The following OPCML variants were observed in gnomAD, a reference collection of about 807,000 sequenced individuals.
The protein encoded by OPCML is opioid-binding protein/cell adhesion molecule.
A neutral mutation model predicts 37.8 loss-of-function variants in OPCML; 13 were observed. The observed-to-expected ratio is 0.34, with a 90% CI of 0.22 to 0.55. OPCML has a LOEUF of 0.55. Ranked by LOEUF, OPCML falls within the 20% of genes least tolerant of loss-of-function variation. OPCML has a pLI of 0.91. For missense variants in OPCML, 341 were observed against 435.6 expected (o/e 0.78, Z 1.93); for synonymous variants, 176 against 168.8 (o/e 1.04, Z -0.33).
intron 1 of OPCML, chr11:133,064,756 G>T (rs1225502761): frequency 6.6e-6 from 1 of 152,176 alleles, no homozygotes; most frequent in African/African-American, 2.4e-5. Flanking sequence ...CACACGGCCC[G>T]GCGCGGGGCG....
intron 2 of OPCML, among the ~76,000 whole-genome samples, chr11:132,666,485 C>A (rs1216476698): frequency 6.6e-6 from 1 of 152,166 alleles, no homozygotes; most frequent in Non-Finnish European, 1.5e-5. Context: ...AATCTTGGGG[C>A]TCACATTTCT....
At chr11:133,210,731 T>C (rs951677783) in intron 1 of OPCML, among the ~76,000 whole-genome samples, 3 of 152,166 alleles carry the variant, frequency 2.0e-5, no homozygotes, top group South Asian at 4.1e-4. Context: ...AGCTCTTTTC[T>C]AGGGGAAATG....
chr11:132,635,602 T>C (rs1234184143), intron 3 of OPCML, among the ~76,000 whole-genome samples: 1 of 124,148 alleles, frequency 8.1e-6, no homozygotes, highest in African/African-American at 3.0e-5. Flanking sequence ...CAAAAAAAAA[T>C]TTGTTGACCA....
At chr11:132,895,804 C>T (rs952238521) in intron 2 of OPCML, among the ~76,000 whole-genome samples, 2 of 151,816 alleles carry the variant, frequency 1.3e-5, no homozygotes, top group Admixed American at 6.6e-5. Context: ...TCAGAATCCA[C>T]CCCCCCTGCC....
At chr11:132,702,552 T>G (rs1367978647) in intron 2 of OPCML, among the ~76,000 whole-genome samples, 1 of 152,160 alleles carries the variant, frequency 6.6e-6, no homozygotes, top group Non-Finnish European at 1.5e-5. Flanking sequence ...TCTTTTATGT[T>G]TAGTCTATTT....
chr11:133,213,688 A>G (rs1939467844), intron 1 of OPCML, among the ~76,000 whole-genome samples: 1 of 152,202 alleles, frequency 6.6e-6, no homozygotes, highest in African/African-American at 2.4e-5. Flanking sequence ...GCTGATACAA[A>G]TGGTGTTAAC....
chr11:132,657,403 T>G (rs1941762852), intron 2 of OPCML, 84 bp from the exon 3 acceptor site: 1 of 1,502,732 alleles, frequency 6.7e-7, no homozygotes, highest in Non-Finnish European at 8.9e-7. Context: ...AAATAAGACG[T>G]TGCATTTTGA....
intron 1 of OPCML, among the ~76,000 whole-genome samples, chr11:133,362,576 T>A (rs1042772640): frequency 6.6e-6 from 1 of 152,138 alleles, no homozygotes; most frequent in Admixed American, 6.5e-5. Context: ...GAAGATTCCA[T>A]CTCTCTCTGA....
intron 1 of OPCML, among the ~76,000 whole-genome samples, chr11:133,495,642 C>A (rs894104161): frequency 6.6e-6 from 1 of 152,164 alleles, no homozygotes; most frequent in Non-Finnish European, 1.5e-5. Context: ...ATTTGCATTT[C>A]TTTGACCATT....
At chr11:132,716,427 TATC>T in intron 2 of OPCML, among the ~76,000 whole-genome samples, 1 of 97,048 alleles carries the variant, frequency 1.0e-5, no homozygotes, top group African/African-American at 4.6e-5. Flanking sequence ...TCTATCTATC[TATC>T]TATCTATCTA....
At chr11:133,261,096 C>T (rs1041245581) in intron 1 of OPCML, among the ~76,000 whole-genome samples, 1 of 152,182 alleles carries the variant, frequency 6.6e-6, no homozygotes, top group Non-Finnish European at 1.5e-5. Flanking sequence ...TATCTTCTTA[C>T]TTGTTTTTGG....
chr11:132,657,781 C>T (rs531333953), intron 2 of OPCML, among the ~76,000 whole-genome samples: 123 of 152,264 alleles, frequency 8.1e-4, no homozygotes, highest in African/African-American at 2.7e-3. Flanking sequence ...TCCAGACCTC[C>T]CTGGTGTTGG....
chr11:133,483,818 T>TAGATAGAC (rs139313772), intron 1 of OPCML, among the ~76,000 whole-genome samples: 56 of 147,856 alleles, frequency 3.8e-4, no homozygotes, highest in African/African-American at 8.8e-4. Context: ...GATAGATAGA[T>TAGATAGAC]AGATAGATAG....
chr11:132,869,418 C>T (rs1214740662), intron 2 of OPCML, among the ~76,000 whole-genome samples: 2 of 152,134 alleles, frequency 1.3e-5, no homozygotes, highest in Admixed American at 1.3e-4. Flanking sequence ...AAAGTGAGAG[C>T]AGTATCCTGT....
chr11:132,954,949 A>G (rs1020382711), intron 1 of OPCML, among the ~76,000 whole-genome samples: 3 of 152,206 alleles, frequency 2.0e-5, no homozygotes, highest in African/African-American at 7.2e-5. Flanking sequence ...ATCCACTACG[A>G]GAGACTTCAG....
intron 2 of OPCML, among the ~76,000 whole-genome samples, chr11:132,878,677 A>T (rs1362339457): frequency 2.6e-5 from 4 of 152,202 alleles, no homozygotes; most frequent in Non-Finnish European, 5.9e-5. Context: ...ATATATAAAC[A>T]GAGCCAGTAG....
chr11:132,915,989 T>G (rs988273067), intron 2 of OPCML, among the ~76,000 whole-genome samples: 4 of 152,198 alleles, frequency 2.6e-5, no homozygotes, highest in African/African-American at 9.6e-5. Flanking sequence ...TGCTTTTGGG[T>G]TTTTCCTCTT....
chr11:132,767,850 G>A (rs952719537), intron 2 of OPCML, among the ~76,000 whole-genome samples: 5 of 152,076 alleles, frequency 3.3e-5, no homozygotes, highest in Admixed American at 6.5e-5. Flanking sequence ...AAATATGGGG[G>A]AAAAACCTAG....
At chr11:132,818,445 G>A (rs1248554713) in intron 2 of OPCML, among the ~76,000 whole-genome samples, 1 of 151,296 alleles carries the variant, frequency 6.6e-6, no homozygotes, top group African/African-American at 2.4e-5. Flanking sequence ...AGCGCAAGAG[G>A]GCATGCTGTC....
Sources: gnomAD v4.1 joint callset for allele counts (sites outside exome capture counted in the v4.1 genomes callset) on GRCh38, gnomAD v4.1.1 for gene constraint, MANE v1.5 for transcripts, NCBI Gene and HGNC (gene_info 2026-07-23, HGNC 2026-07-21) for gene names.